Variants in GPHN observed in about 807,000 individuals in gnomAD.
GPHN encodes the protein gephyrin.
Under a neutral mutation model 95.5 loss-of-function variants are expected in GPHN, and 17 were observed. The observed-to-expected ratio is 0.18, with a 90% confidence interval of 0.12 to 0.27. The LOEUF (loss-of-function observed/expected upper bound fraction) is 0.27, where lower values mean the gene tolerates loss of function less well. Ranked by LOEUF, GPHN falls within the 10% of genes least tolerant of loss-of-function variation. The pLI is 1.00. For missense variants in GPHN, 660 were observed against 978.1 expected (o/e 0.67, Z 4.34); for synonymous variants, 320 against 322.5 (o/e 0.99, Z 0.08).
At position 66,922,913 on chromosome 14, in the gene GPHN, T is replaced by C. The variant is rs750654083; in HGVS notation, c.704T>C (p.Ile235Thr). ...ACAGAAGATAGTTCCTCATCACATA[T>C]AACTGCAGCAGCCATTGCTGCCAAG... is the stretch of plus-strand genomic sequence containing the variant. ...ASTEDSSSSH[I>T]TAAAIAAKKH... Residue 235 changes from isoleucine (I) to threonine (T), a missense_variant, in exon 7 of 23, where the codon ATA becomes ACA. By Grantham distance (89) the Ile-to-Thr change is moderately conservative. Transcript: ENST00000478722. The C allele has an allele frequency of 6.2e-7, 1 of 1,613,032 alleles. No individual in the cohort carries two copies. The highest frequency in any genetic ancestry group is 8.5e-7 in the Non-Finnish European group (1 of 1,179,806).
At chr14:66,648,025 A>G (rs900017704) in intron 1 of GPHN, among the ~76,000 whole-genome samples, 1 of 152,174 alleles carries the variant, frequency 6.6e-6, no homozygotes, top group African/African-American at 2.4e-5. Flanking sequence ...TATATAAATC[A>G]GTTGATTTTT....
chr14:67,286,279 C>T, the GPHN span, among the ~76,000 whole-genome samples: 1 of 152,172 alleles, frequency 6.6e-6, no homozygotes, highest in East Asian at 1.9e-4. Flanking sequence ...TCATTTCTCT[C>T]TTTCTCTGTC....
chr14:67,233,389 A>G, the GPHN span, among the ~76,000 whole-genome samples: 9 of 152,140 alleles, frequency 5.9e-5, no homozygotes, highest in African/African-American at 2.2e-4. Context: ...CAATCTGCCC[A>G]CCTTGGCTTC....
intron 1 of GPHN, among the ~76,000 whole-genome samples, chr14:66,636,016 T>G (rs1056894982): frequency 6.6e-6 from 1 of 152,194 alleles, no homozygotes; most frequent in African/African-American, 2.4e-5. Flanking sequence ...TTAGATCTTT[T>G]CAAAGATTTG....
chr14:66,925,285 A>G (rs1205817883), intron 8 of GPHN, among the ~76,000 whole-genome samples: 6 of 152,162 alleles, frequency 3.9e-5, no homozygotes, highest in South Asian at 2.1e-4. Flanking sequence ...AGACATTCCA[A>G]TTGTATTCCC....
At chr14:67,336,888 A>G in the GPHN span, 1 of 405,622 alleles carries the variant, frequency 2.5e-6, no homozygotes, top group Non-Finnish European at 4.9e-6. Context: ...CAGCTTCTCC[A>G]GAACAGTCCC....
chr14:67,111,763 A>C, intron 14 of GPHN, 98 bp from the exon 15 acceptor site: 1 of 871,794 alleles, frequency 1.1e-6, no homozygotes, highest in Non-Finnish European at 2.0e-6. Context: ...CTATATTTGT[A>C]TATATCCTGG....
chr14:67,573,397 C>T, the GPHN span: 1 of 1,490,554 alleles, frequency 6.7e-7, no homozygotes, highest in African/African-American at 1.4e-5. The surrounding 1 kb of genome is among the most constrained non-coding windows in gnomAD (Gnocchi z 4.8). Context: ...GTGAGAGTCT[C>T]CCCGCCCAGC....
At chr14:67,620,824 T>G in the GPHN span, 1 of 1,530,544 alleles carries the variant, frequency 6.5e-7, no homozygotes, top group Admixed American at 1.7e-5. Context: ...TGCTGGGAAC[T>G]AAATGTACCA....
At chr14:66,700,139 A>G (rs574719162) in intron 2 of GPHN, among the ~76,000 whole-genome samples, 1 of 152,292 alleles carries the variant, frequency 6.6e-6, no homozygotes, top group African/African-American at 2.4e-5. Context: ...TATAGTGTTA[A>G]ATGTTTTCTA....
intron 2 of GPHN, among the ~76,000 whole-genome samples, chr14:66,705,654 T>C (rs1270565038): frequency 6.6e-6 from 1 of 152,182 alleles, no homozygotes; most frequent in African/African-American, 2.4e-5. Context: ...TATGTATTGA[T>C]GGAACATATC....
the GPHN span, among the ~76,000 whole-genome samples, chr14:67,202,328 C>G: frequency 6.6e-6 from 1 of 152,214 alleles, no homozygotes; most frequent in Non-Finnish European, 1.5e-5. Flanking sequence ...GTAATCCCAG[C>G]TACTTGGGAG....
At chr14:67,552,595 G>A in the GPHN span, among the ~76,000 whole-genome samples, 214 of 152,124 alleles carry the variant, frequency 1.4e-3, 2 homozygotes, top group Middle Eastern at 6.8e-3. Context: ...GTGAAACCCC[G>A]TCTCTTCTAA....
At chr14:66,545,284 G>A (rs1273547330) in intron 1 of GPHN, among the ~76,000 whole-genome samples, 2 of 141,130 alleles carry the variant, frequency 1.4e-5, no homozygotes, top group Non-Finnish European at 3.0e-5. Flanking sequence ...AGGGGCGGCC[G>A]GGCAGAGGCG....
chr14:67,552,544 G>A, the GPHN span, among the ~76,000 whole-genome samples: 3 of 152,154 alleles, frequency 2.0e-5, no homozygotes, highest in African/African-American at 7.2e-5. Flanking sequence ...GAGGTGGGCG[G>A]ATCACGAGGT....
chr14:67,179,562 C>T lies in GPHN; in HGVS notation c.2080-16C>T, dbSNP rs774338689. 2 of 1,468,640 alleles carry T rather than the reference C, an allele frequency of 1.4e-6. No individual in the cohort carries two copies. Among genetic ancestry groups the T allele is most frequent in the Non-Finnish European group, 1.9e-6 (2 of 1,047,482 alleles). 91.0% of individuals were successfully genotyped at this position (1,468,640 alleles called of 1,614,324 possible). ...CAGGTGACCAAGTTTGTTTTCTTTT[C>T]TACTTTATTCTGTAGTTATCATGTG... On this transcript the variant is annotated splice_polypyrimidine_tract_variant and intron_variant, in intron 21 of 22. Coordinates refer to ENST00000478722, the MANE Select transcript of GPHN (RefSeq NM_020806.5).
chr14:66,534,828 A>G (rs1452859982), intron 1 of GPHN, among the ~76,000 whole-genome samples: 2 of 152,094 alleles, frequency 1.3e-5, no homozygotes, highest in South Asian at 4.1e-4. Context: ...ACATATTTTA[A>G]AGTTATTCTG....
chr14:66,935,818 AATTAT>A (rs1175672116), intron 8 of GPHN, among the ~76,000 whole-genome samples: 2 of 152,048 alleles, frequency 1.3e-5, no homozygotes, highest in Non-Finnish European at 2.9e-5. Context: ...ATATTAAAAT[AATTAT>A]ATTAATTGAA....
At chr14:67,206,797 C>A in the GPHN span, among the ~76,000 whole-genome samples, 1,662 of 150,446 alleles carry the variant, frequency 0.011, 19 homozygotes, top group Middle Eastern at 0.017. Flanking sequence ...GTGGTGAGAT[C>A]TCGGCTCACT....
Sources: gnomAD v4.1 joint callset for allele counts (sites outside exome capture counted in the v4.1 genomes callset) on GRCh38, gnomAD v4.1.1 for gene constraint, Gnocchi (gnomAD v3.1) non-coding constraint, MANE v1.5 for transcripts, NCBI Gene and HGNC (gene_info 2026-07-23, HGNC 2026-07-21) for gene names.